The following GRM1 variants were observed in gnomAD, a reference collection of about 807,000 sequenced individuals.
GRM1 encodes the protein glutamate metabotropic receptor 1, also known as metabotropic glutamate receptor 1.
In GRM1, 33 loss-of-function variants were observed where a neutral mutation model predicts 90.9. The observed-to-expected ratio is 0.36, with a 90% CI of 0.28 to 0.49. GRM1 has a LOEUF of 0.49. Among genes scored for constraint, GRM1 ranks in the 20% least tolerant of loss-of-function variants. The pLI, the probability that GRM1 is intolerant of heterozygous loss-of-function variation, is 0.99. For synonymous variants in GRM1, 700 were observed against 613.2 expected (o/e 1.14, Z -2.09); for missense variants, 1,190 against 1,534.3 (o/e 0.78, Z 3.75).
intron 2 of GRM1, among the ~76,000 whole-genome samples, chr6:146,209,869 A>T (rs1404853032): frequency 6.6e-6 from 1 of 152,196 alleles, no homozygotes; most frequent in Non-Finnish European, 1.5e-5. Flanking sequence ...AGGAAAGCAG[A>T]GGTTGAAATA....
chr6:146,433,469 G>A (rs1778482361), intron 7 of GRM1, among the ~76,000 whole-genome samples: 2 of 151,952 alleles, frequency 1.3e-5, no homozygotes, highest in Non-Finnish European at 2.9e-5. Context: ...GGTTGTCCAT[G>A]TGTAACTAAG....
chr6:146,121,385 C>A (rs2128877327), intron 1 of GRM1, among the ~76,000 whole-genome samples: 1 of 152,212 alleles, frequency 6.6e-6, no homozygotes, highest in East Asian at 1.9e-4. Flanking sequence ...TTTCAAAAAG[C>A]AGCTTCTGGA....
chr6:146,412,060 T>A (rs1777589519), intron 7 of GRM1, among the ~76,000 whole-genome samples: 1 of 152,138 alleles, frequency 6.6e-6, no homozygotes, highest in Non-Finnish European at 1.5e-5. Flanking sequence ...TATTGAACCT[T>A]GTAACCCTCC....
chr6:146,176,648 CTTCAAGATATA>C (rs1778349536), intron 2 of GRM1, among the ~76,000 whole-genome samples: 1 of 151,996 alleles, frequency 6.6e-6, no homozygotes, highest in Admixed American at 6.6e-5. Flanking sequence ...GTAAGTTTTC[CTTCAAGATATA>C]TTAAATATTG....
intron 2 of GRM1, among the ~76,000 whole-genome samples, chr6:146,186,440 C>T (rs542667941): frequency 2.6e-5 from 4 of 152,146 alleles, no homozygotes; most frequent in Non-Finnish European, 5.9e-5. Context: ...TTCTTGATTC[C>T]AAACCATTTT....
chr6:146,052,407 C>T (rs191821933), intron 1 of GRM1, among the ~76,000 whole-genome samples: 80 of 152,114 alleles, frequency 5.3e-4, no homozygotes, highest in African/African-American at 1.6e-3. Context: ...CAGCCCCAGC[C>T]GTGGAGGCTC....
chr6:146,098,838 A>G (rs1236497036), intron 1 of GRM1, among the ~76,000 whole-genome samples: 2 of 151,982 alleles, frequency 1.3e-5, no homozygotes, highest in African/African-American at 4.8e-5. Flanking sequence ...CATCATGTGA[A>G]GAAGGGATTG....
intron 5 of GRM1, among the ~76,000 whole-genome samples, chr6:146,374,152 ATG>A: frequency 1.0e-5 from 1 of 95,262 alleles, no homozygotes; most frequent in African/African-American, 8.9e-5. Context: ...TGTTGATATG[ATG>A]TATCGGTATC....
chr6:146,093,329 T>C (rs1776772020), intron 1 of GRM1, among the ~76,000 whole-genome samples: 1 of 152,130 alleles, frequency 6.6e-6, no homozygotes, highest in South Asian at 2.1e-4. Flanking sequence ...TGCCAGACTC[T>C]TGTTTCCACC....
At chr6:146,261,697 C>T (rs1268937483) in intron 2 of GRM1, among the ~76,000 whole-genome samples, 1 of 151,948 alleles carries the variant, frequency 6.6e-6, no homozygotes, top group Non-Finnish European at 1.5e-5. Flanking sequence ...TATTAAGTTT[C>T]ATATGTGATT....
At chr6:146,291,115 T>C (rs1196590492) in intron 2 of GRM1, among the ~76,000 whole-genome samples, 1 of 152,144 alleles carries the variant, frequency 6.6e-6, no homozygotes, top group Non-Finnish European at 1.5e-5. Flanking sequence ...TGCCTTAAAT[T>C]ATTCCTTCTC....
At chr6:146,094,476 T>G (rs938175569) in intron 1 of GRM1, among the ~76,000 whole-genome samples, 4 of 152,146 alleles carry the variant, frequency 2.6e-5, no homozygotes, top group African/African-American at 9.7e-5. Flanking sequence ...AATATTATCT[T>G]TGCATGACTG....
At chr6:146,359,511 T>C (rs1158630338) in intron 5 of GRM1, among the ~76,000 whole-genome samples, 2 of 152,218 alleles carry the variant, frequency 1.3e-5, no homozygotes, top group African/African-American at 4.8e-5. Context: ...AAGTTCAGTT[T>C]TGCAGGTTAT....
rs73783664 is a variant in GRM1 at position 146,237,582 on chromosome 6, A to G, written c.951-67029A>G. Among the ~76,000 whole-genome samples, 188 of 147,164 alleles carry G rather than the reference A, an allele frequency of 1.3e-3. 1 individual carries two copies. Among genetic ancestry groups the G allele is most frequent in the African/African-American group, 4.5e-3 (171 of 37,954 alleles). ...GAATATTTGTTAAATATTCTTTTTT[A>G]TCTCATACTTTCTCCTTCAGAGAAG... On this transcript the variant is annotated intron_variant, in intron 2 of 7. Coordinates refer to ENST00000282753, the MANE Select transcript of GRM1 (RefSeq NM_001278064.2).
At chr6:146,310,206 A>G (rs1783726328) in intron 3 of GRM1, among the ~76,000 whole-genome samples, 1 of 152,236 alleles carries the variant, frequency 6.6e-6, no homozygotes, top group African/African-American at 2.4e-5. Context: ...AATAGTTTGG[A>G]GGCTGCCATT....
At chr6:146,212,957 G>A (rs1171258826) in intron 2 of GRM1, among the ~76,000 whole-genome samples, 1 of 152,084 alleles carries the variant, frequency 6.6e-6, no homozygotes, top group Non-Finnish European at 1.5e-5. Context: ...TAGACTTGAT[G>A]CCAGAAGCTG....
chr6:146,109,471 T>C (rs1290254522), intron 1 of GRM1, among the ~76,000 whole-genome samples: 1 of 152,174 alleles, frequency 6.6e-6, no homozygotes, highest in Non-Finnish European at 1.5e-5. Context: ...AACCTCTGCC[T>C]AGATTTCAGA....
At chr6:146,400,265 C>T (rs1183775777) in intron 7 of GRM1, among the ~76,000 whole-genome samples, 1 of 152,156 alleles carries the variant, frequency 6.6e-6, no homozygotes, top group Non-Finnish European at 1.5e-5. Flanking sequence ...AAGCAACTGA[C>T]TTATCATATC....
chr6:146,328,292 A>G (rs1023742950), intron 3 of GRM1, among the ~76,000 whole-genome samples: 2 of 152,176 alleles, frequency 1.3e-5, no homozygotes, highest in African/African-American at 4.8e-5. Context: ...GCCTAAGCCC[A>G]TACACACACA....
Sources: gnomAD v4.1 joint callset for allele counts (sites outside exome capture counted in the v4.1 genomes callset) on GRCh38, gnomAD v4.1.1 for gene constraint, MANE v1.5 for transcripts, NCBI Gene and HGNC (gene_info 2026-07-23, HGNC 2026-07-21) for gene names.